The following SPMIP2 variants were observed in gnomAD, a reference collection of about 807,000 sequenced individuals.
SPMIP2 encodes sperm microtubule inner protein 2.
chr4:159,026,900 T>C, the SPMIP2 span, among the ~76,000 whole-genome samples: 3 of 150,340 alleles, frequency 2.0e-5, no homozygotes, highest in Non-Finnish European at 4.4e-5. Context: ...TTTATGCATA[T>C]ATAAAACAAA....
At chr4:158,908,739 T>G in the SPMIP2 span, among the ~76,000 whole-genome samples, 2 of 152,318 alleles carry the variant, frequency 1.3e-5, no homozygotes, top group South Asian at 4.1e-4. Flanking sequence ...CAAGCTGGAG[T>G]GCAATGGTGC....
chr4:158,924,384 T>C, the SPMIP2 span, among the ~76,000 whole-genome samples: 1 of 152,180 alleles, frequency 6.6e-6, no homozygotes, highest in Non-Finnish European at 1.5e-5. Flanking sequence ...TTTTTGTTTG[T>C]TTTTTGTTTT....
the SPMIP2 span, among the ~76,000 whole-genome samples, chr4:158,961,939 A>G: frequency 6.6e-6 from 1 of 152,122 alleles, no homozygotes; most frequent in African/African-American, 2.4e-5. Context: ...TGATTTCAAA[A>G]CCAATATCTT....
At chr4:159,071,796 A>G in the SPMIP2 span, among the ~76,000 whole-genome samples, 1 of 126,780 alleles carries the variant, frequency 7.9e-6, no homozygotes, top group Non-Finnish European at 1.7e-5. Flanking sequence ...TGATGATGTC[A>G]GAAAAGAGAG....
At chr4:159,005,158 G>A in the SPMIP2 span, among the ~76,000 whole-genome samples, 1 of 139,586 alleles carries the variant, frequency 7.2e-6, no homozygotes, top group Admixed American at 7.8e-5. Context: ...TTGAACCCAG[G>A]TTGCAGTGAG....
chr4:159,026,162 A>G, the SPMIP2 span: 2 of 385,250 alleles, frequency 5.2e-6, no homozygotes, highest in South Asian at 5.0e-5. Flanking sequence ...TGCCTAGTGG[A>G]CAGCAAAGGC....
the SPMIP2 span, among the ~76,000 whole-genome samples, chr4:158,987,909 A>G: frequency 5.6e-3 from 852 of 152,246 alleles, 4 homozygotes; most frequent in Non-Finnish European, 7.7e-3. Context: ...GCAGAACTGA[A>G]GGAGATAGAG....
the SPMIP2 span, among the ~76,000 whole-genome samples, chr4:159,081,332 G>C: frequency 1.3e-5 from 2 of 151,922 alleles, no homozygotes; most frequent in Non-Finnish European, 2.9e-5. Flanking sequence ...AGCCACCATG[G>C]CCAGCCGATT....
the SPMIP2 span, among the ~76,000 whole-genome samples, chr4:159,016,635 A>G: frequency 3.9e-5 from 6 of 152,178 alleles, no homozygotes; most frequent in African/African-American, 1.4e-4. Context: ...TTTCTTTGGT[A>G]ACCCCTTGTG....
At chr4:159,067,024 A>C in the SPMIP2 span, among the ~76,000 whole-genome samples, 2 of 152,198 alleles carry the variant, frequency 1.3e-5, no homozygotes, top group Non-Finnish European at 1.5e-5. Context: ...GATCCCAATA[A>C]AAATTGGTCT....
At chr4:159,079,815 T>G in the SPMIP2 span, among the ~76,000 whole-genome samples, 14 of 152,302 alleles carry the variant, frequency 9.2e-5, no homozygotes, top group East Asian at 2.7e-3. Flanking sequence ...AATTAGATTT[T>G]TAGTAATAGG....
the SPMIP2 span, among the ~76,000 whole-genome samples, chr4:158,900,811 T>C: frequency 5.3e-5 from 8 of 152,344 alleles, no homozygotes; most frequent in South Asian, 4.1e-4. Flanking sequence ...TGTCTTTTAA[T>C]TGGGGCATTT....
At chr4:158,943,946 C>G in the SPMIP2 span, among the ~76,000 whole-genome samples, 3 of 143,442 alleles carry the variant, frequency 2.1e-5, no homozygotes, top group Non-Finnish European at 4.5e-5. Context: ...ACCTCCACCT[C>G]CTGGGTTCAA....
the SPMIP2 span, among the ~76,000 whole-genome samples, chr4:158,978,395 A>AT: frequency 2.0e-5 from 3 of 152,196 alleles, no homozygotes; most frequent in Admixed American, 6.5e-5. Context: ...CATTCTATTA[A>AT]TTTGGGGTGG....
At chr4:158,954,888 A>G in the SPMIP2 span, among the ~76,000 whole-genome samples, 1 of 152,194 alleles carries the variant, frequency 6.6e-6, no homozygotes, top group South Asian at 2.1e-4. Flanking sequence ...GTTGTTTGCT[A>G]ATACATTCTC....
the SPMIP2 span, among the ~76,000 whole-genome samples, chr4:159,071,676 CT>C: frequency 1.3e-5 from 2 of 152,060 alleles, no homozygotes; most frequent in African/African-American, 2.4e-5. Flanking sequence ...CCTGAGAATT[CT>C]TTTTTTTCTT....
chr4:158,912,472 T>C, the SPMIP2 span, among the ~76,000 whole-genome samples: 1 of 152,206 alleles, frequency 6.6e-6, no homozygotes, highest in Admixed American at 6.5e-5. Context: ...GACAAATTTC[T>C]ACTTAAGAGA....
the SPMIP2 span, among the ~76,000 whole-genome samples, chr4:159,052,165 C>G: frequency 6.6e-6 from 1 of 152,198 alleles, no homozygotes; most frequent in East Asian, 1.9e-4. Flanking sequence ...GCAGACGTCT[C>G]ACACTGACGG....
chr4:158,986,814 CA>C, the SPMIP2 span, among the ~76,000 whole-genome samples: 1 of 150,614 alleles, frequency 6.6e-6, no homozygotes, highest in Non-Finnish European at 1.5e-5. Context: ...TTCTGCACAG[CA>C]AAAGAAACTA....
Sources: allele counts gnomAD v4.1 joint callset (sites outside exome capture counted in the v4.1 genomes callset), GRCh38; gene constraint gnomAD v4.1.1; transcripts MANE v1.5; gene names NCBI Gene and HGNC (gene_info 2026-07-23, HGNC 2026-07-21).